Variants in TNIK observed in about 807,000 individuals in gnomAD.
TNIK encodes the protein TRAF2 and NCK-interacting protein kinase.
TNIK carries 49 observed loss-of-function variants against 191.3 expected under a neutral mutation model. The observed-to-expected ratio is 0.26, with a 90% CI of 0.20 to 0.32. The LOEUF (loss-of-function observed/expected upper bound fraction) is 0.32. Among genes scored for constraint, TNIK ranks in the 10% least tolerant of loss-of-function variants. The pLI is 1.00. For synonymous variants in TNIK, 594 were observed against 600.9 expected (o/e 0.99, Z 0.17); for missense variants, 1,155 against 1,702.3 (o/e 0.68, Z 5.66).
intron 2 of TNIK, among the ~76,000 whole-genome samples, chr3:171,252,692 A>G (rs1319033852): frequency 6.6e-6 from 1 of 152,210 alleles, no homozygotes; most frequent in Non-Finnish European, 1.5e-5. Context: ...CACAATGTTA[A>G]CTTTGATATA....
intron 7 of TNIK, among the ~76,000 whole-genome samples, chr3:171,186,104 C>T (rs145397104): frequency 8.5e-4 from 130 of 152,294 alleles, no homozygotes; most frequent in African/African-American, 2.9e-3. Flanking sequence ...TGACTAACTC[C>T]TTATACACAA....
At chr3:171,139,378 GCACACACACACACACACACACA>G in intron 14 of TNIK, 70 bp downstream of exon 14, 1 of 691,716 alleles carries the variant, frequency 1.4e-6, no homozygotes, top group Non-Finnish European at 2.5e-6. Flanking sequence ...ACGCACGCGC[GCACACACACACACACACACACA>G]CACACACACA....
intron 2 of TNIK, among the ~76,000 whole-genome samples, chr3:171,268,407 T>G (rs1267783166): frequency 6.6e-6 from 1 of 152,072 alleles, no homozygotes; most frequent in Non-Finnish European, 1.5e-5. Context: ...GAATTATCCC[T>G]ACTCCCTTAG....
rs76550576 is a variant in TNIK, at chr3:171,137,911, G to A, written c.1608+280C>T. ...TCAATTGGATGAGTAACAGAAAAAA[G>A]GTTTTTTCTATCTTCTGTTATTTCC... is the stretch of plus-strand genomic sequence containing the variant. On this transcript the variant is annotated intron_variant, in intron 15 of 32. Coordinates refer to ENST00000436636, the MANE Select transcript of TNIK (RefSeq NM_015028.4). Among the ~76,000 whole-genome samples, 1,560 of 148,600 alleles carry A rather than the reference G, an allele frequency of 0.01. 40 individuals carry two copies. The East Asian group carries it at 0.11, about 10-fold the overall frequency.
chr3:171,110,963 A>T, intron 18 of TNIK, 86 bp from the exon 19 acceptor site: 1 of 1,342,728 alleles, frequency 7.4e-7, no homozygotes, highest in Non-Finnish European at 9.8e-7. Context: ...TTAATACCCA[A>T]AATATGTAAG....
chr3:171,347,833 G>T (rs1712512645), intron 2 of TNIK, among the ~76,000 whole-genome samples: 1 of 152,158 alleles, frequency 6.6e-6, no homozygotes, highest in African/African-American at 2.4e-5. Flanking sequence ...TAAAAAGGAG[G>T]TAAAAGCAGC....
chr3:171,125,922 A>G lies in TNIK; in HGVS notation c.2003T>C (p.Ile668Thr). 1.2e-6 allele frequency: 2 copies of G among 1,614,000 alleles called. No homozygotes were observed. Among genetic ancestry groups the G allele is most frequent in the Middle Eastern group, 1.7e-4 (1 of 6,052 alleles). ...CCCAGTAAATATTACCTTTGGTGGA[A>G]TGTCTTCTTCCTGTCGTAACCAAGA... ...RSSWLRQEEDIPPKVPQRTTS... is the reference protein window; with the variant it reads ...RSSWLRQEEDTPPKVPQRTTS... The change falls in exon 17 of 33, where the codon ATT becomes ACT. Residue 668 changes from isoleucine (I) to threonine (T), a missense_variant. Coordinates refer to ENST00000436636, the MANE Select transcript of TNIK (RefSeq NM_015028.4).
At chr3:171,223,698 T>C (rs1257295220) in intron 3 of TNIK, among the ~76,000 whole-genome samples, 1 of 152,164 alleles carries the variant, frequency 6.6e-6, no homozygotes, top group African/African-American at 2.4e-5. Flanking sequence ...AATGAATTAA[T>C]ATATAGAAAG....
intron 18 of TNIK, among the ~76,000 whole-genome samples, chr3:171,116,785 G>C (rs1726766680): frequency 6.6e-6 from 1 of 152,214 alleles, no homozygotes; most frequent in Admixed American, 6.5e-5. Flanking sequence ...ATACATCAAT[G>C]TTAAGTATGA....
intron 26 of TNIK, among the ~76,000 whole-genome samples, chr3:171,083,651 T>A (rs1223288351): frequency 6.6e-6 from 1 of 152,214 alleles, no homozygotes; most frequent in Non-Finnish European, 1.5e-5. Flanking sequence ...AGTTTTATCT[T>A]GTTATTGCTA....
intron 2 of TNIK, among the ~76,000 whole-genome samples, chr3:171,240,568 C>T (rs891766454): frequency 6.6e-6 from 1 of 152,210 alleles, no homozygotes; most frequent in Non-Finnish European, 1.5e-5. Context: ...CCCCAGTCCC[C>T]GACTCGCCCA....
chr3:171,453,113 G>A (rs1358335978), intron 1 of TNIK, among the ~76,000 whole-genome samples: 6 of 152,090 alleles, frequency 3.9e-5, no homozygotes, highest in African/African-American at 1.2e-4. Flanking sequence ...CTTCTAAAAG[G>A]GTTGCACAGT....
intron 2 of TNIK, among the ~76,000 whole-genome samples, chr3:171,253,567 A>G (rs1746499344): frequency 6.6e-6 from 1 of 151,780 alleles, no homozygotes; most frequent in Non-Finnish European, 1.5e-5. Flanking sequence ...GAAAAAAAAA[A>G]GAAAAGAAAT....
intron 3 of TNIK, among the ~76,000 whole-genome samples, chr3:171,216,421 TATTA>T (rs1270409630): frequency 6.6e-6 from 1 of 152,348 alleles, no homozygotes; most frequent in East Asian, 1.9e-4. Context: ...TCTAATATCT[TATTA>T]ATTTTCATTT....
chr3:171,345,578 A>C (rs1338938785), intron 2 of TNIK, among the ~76,000 whole-genome samples: 1 of 142,428 alleles, frequency 7.0e-6, no homozygotes, highest in African/African-American at 3.0e-5. Flanking sequence ...GGAGCATACA[A>C]TCATAGGGTG....
At chr3:171,368,927 C>T (rs1236495067) in intron 2 of TNIK, among the ~76,000 whole-genome samples, 1 of 100,722 alleles carries the variant, frequency 9.9e-6, no homozygotes, top group African/African-American at 3.4e-5. Flanking sequence ...AAACAGTTCA[C>T]TTTCATTTTT....
intron 1 of TNIK, among the ~76,000 whole-genome samples, chr3:171,427,889 G>A (rs1281261334): frequency 6.6e-6 from 1 of 152,134 alleles, no homozygotes; most frequent in Non-Finnish European, 1.5e-5. Context: ...CCCAAAAGAG[G>A]AGAAAGACCA....
At chr3:171,275,399 T>C (rs887206778) in intron 2 of TNIK, among the ~76,000 whole-genome samples, 1 of 151,520 alleles carries the variant, frequency 6.6e-6, no homozygotes, top group African/African-American at 2.4e-5. Context: ...AGACAGGCAA[T>C]AGAAAAGAAT....
Position 171,071,080 on chromosome 3 carries a change from A to G in TNIK, c.3549+143T>C, listed in dbSNP as rs77016847. 763 of 545,482 alleles carry G rather than the reference A, an allele frequency of 1.4e-3. 2 individuals carry two copies. Among genetic ancestry groups the G allele is most frequent in the Non-Finnish European group, 2.0e-3 (669 of 338,570 alleles). The allele number at this position is 545,482 out of a possible 1,614,324, so 33.8% of individuals were successfully genotyped here. A position where few individuals can be genotyped will look rare whatever the true frequency, so the allele number is the denominator to read the frequency against. Reference sequence around the variant, plus strand: ...ATATTCAGTCTTTACTTTTGAAACAATAAACCCTAGAGTACCTACACTTTT... The same window carrying G: ...ATATTCAGTCTTTACTTTTGAAACAGTAAACCCTAGAGTACCTACACTTTT... On this transcript the variant is annotated intron_variant, in intron 29 of 32. Coordinates refer to ENST00000436636, the MANE Select transcript of TNIK (RefSeq NM_015028.4).
Sources: allele counts gnomAD v4.1 joint callset (sites outside exome capture counted in the v4.1 genomes callset), GRCh38; gene constraint gnomAD v4.1.1; transcripts MANE v1.5; gene names NCBI Gene and HGNC (gene_info 2026-07-23, HGNC 2026-07-21).